Variants in SENP2 observed in about 807,000 individuals in gnomAD.
SENP2 encodes SUMO specific peptidase 2, also known as sentrin-specific protease 2.
In SENP2, 16 loss-of-function variants were observed where a neutral mutation model predicts 86.3. That is an observed-to-expected ratio of 0.19 (90% CI 0.13 to 0.28). The LOEUF is 0.28. Among genes scored for constraint, SENP2 ranks in the 10% least tolerant of loss-of-function variants. The pLI is 1.00. For synonymous variants in SENP2, 222 were observed against 238.7 expected (o/e 0.93, Z 0.64); for missense variants, 552 against 703.0 (o/e 0.79, Z 2.43).
At chr3:185,591,821 C>T (rs1722008289) in intron 2 of SENP2, among the ~76,000 whole-genome samples, 1 of 151,588 alleles carries the variant, frequency 6.6e-6, no homozygotes, top group Admixed American at 6.6e-5. Flanking sequence ...GCCTCCACCT[C>T]CCTGGGCCCA....
chr3:185,621,386 CTTT>C (rs1220771289), intron 13 of SENP2, among the ~76,000 whole-genome samples: 4 of 78,768 alleles, frequency 5.1e-5, no homozygotes, highest in Non-Finnish European at 6.9e-5. Flanking sequence ...TCTTTTTTTT[CTTT>C]TTTTTTTTTT....
At chr3:185,597,486 G>A (rs1722212214) in intron 2 of SENP2, among the ~76,000 whole-genome samples, 1 of 151,764 alleles carries the variant, frequency 6.6e-6, no homozygotes, top group Admixed American at 6.6e-5. Flanking sequence ...CTGAGTAGCT[G>A]GGACTATAGT....
chr3:185,626,450 GC>G, intron 16 of SENP2, 57 bp downstream of exon 16: 1 of 1,181,936 alleles, frequency 8.5e-7, no homozygotes, highest in Non-Finnish European at 1.3e-6. Flanking sequence ...AAGGCACTTG[GC>G]CAGTGCCTGG....
At position 185,586,387 on chromosome 3, in the gene SENP2, C is replaced by A; in HGVS notation, c.-27C>A. 2 of 1,612,704 alleles carry A rather than the reference C, an allele frequency of 1.2e-6. No homozygotes were observed. On this transcript the variant is annotated 5_prime_UTR_variant, in exon 1 of 17. Coordinates refer to ENST00000296257, the MANE Select transcript of SENP2 (RefSeq NM_021627.3). This position sits in a 1 kb window ranked among gnomAD's most constrained non-coding sequence, Gnocchi z 4.3. ...CTGGGGTTTGCGTCTCGGGGTGTGT[C>A]GGCCGCCGCTGCTGCTTGGGCCTGG...
intron 14 of SENP2, 69 bp from the exon 15 acceptor site, chr3:185,623,929 C>T: frequency 1.2e-6 from 1 of 841,028 alleles, no homozygotes; most frequent in South Asian, 1.8e-5. Context: ...TCAGAAAGCC[C>T]TATGTAACCA....
intron 5 of SENP2, among the ~76,000 whole-genome samples, chr3:185,604,670 C>G (rs996662434): frequency 5.3e-5 from 8 of 152,132 alleles, no homozygotes; most frequent in Non-Finnish European, 2.9e-5. Flanking sequence ...TTCTCATTCT[C>G]TCATATATAC....
intron 4 of SENP2, 139 bp downstream of exon 4, chr3:185,599,163 T>C: frequency 3.2e-6 from 2 of 619,270 alleles, no homozygotes; most frequent in Admixed American, 6.7e-5. Flanking sequence ...AAAAAGCAAA[T>C]AGCTTTTCTT....
chr3:185,595,533 A>C (rs1046661600), intron 2 of SENP2, among the ~76,000 whole-genome samples: 3 of 152,214 alleles, frequency 2.0e-5, no homozygotes, highest in African/African-American at 7.2e-5. Flanking sequence ...GTTTCTGGAA[A>C]GTAGTTTACA....
intron 6 of SENP2, among the ~76,000 whole-genome samples, chr3:185,608,235 G>T (rs13072061): frequency 0.38 from 57,954 of 152,042 alleles, 11,273 homozygotes; most frequent in South Asian, 0.56. Context: ...CCTGAAAGGG[G>T]TTTTAAGATG....
intron 8 of SENP2, 89 bp downstream of exon 8, chr3:185,611,834 G>A (rs1577732962): frequency 1.1e-6 from 1 of 931,304 alleles, no homozygotes; most frequent in East Asian, 2.7e-5. Flanking sequence ...ACATTCAAGT[G>A]TAGATGGTGT....
intron 11 of SENP2, among the ~76,000 whole-genome samples, chr3:185,617,032 G>A (rs577841964): frequency 1.3e-5 from 2 of 152,212 alleles, no homozygotes; most frequent in African/African-American, 2.4e-5. Flanking sequence ...TGGTTAATAC[G>A]TAGTAGTAGG....
At chr3:185,615,953 C>T (rs1711580781) in intron 11 of SENP2, among the ~76,000 whole-genome samples, 2 of 151,988 alleles carry the variant, frequency 1.3e-5, no homozygotes, top group African/African-American at 4.8e-5. Flanking sequence ...ACCTCTGCCT[C>T]CCAGGTTCAA....
intron 16 of SENP2, among the ~76,000 whole-genome samples, chr3:185,627,443 C>T (rs1233278814): frequency 3.3e-5 from 5 of 152,102 alleles, no homozygotes; most frequent in South Asian, 2.1e-4. Flanking sequence ...GATGGAGTCT[C>T]GCTTTGTTGC....
At chr3:185,600,620 C>T (rs1577723419) in intron 4 of SENP2, 145 bp from the exon 5 acceptor site, 3 of 609,024 alleles carry the variant, frequency 4.9e-6, no homozygotes, top group East Asian at 5.7e-5. Context: ...TTGTGCTAGA[C>T]TCCTGTGCTA....
Position 185,626,281 on chromosome 3 carries a change from T to C in SENP2, c.1612-17T>C. ...TGTTTTACCCTTTCCTCTCTTCTTT[T>C]TTCTTTGTAATTTTAGGAGATTCCT... is the stretch of plus-strand genomic sequence containing the variant. On this transcript the variant is annotated splice_polypyrimidine_tract_variant and intron_variant, in intron 15 of 16. Coordinates refer to ENST00000296257, the MANE Select transcript of SENP2 (RefSeq NM_021627.3). 1 of 1,559,268 alleles carries C rather than the reference T, an allele frequency of 6.4e-7. No individual in the cohort carries two copies. Among genetic ancestry groups the C allele is most frequent in the Non-Finnish European group, 8.8e-7 (1 of 1,135,746 alleles).
Position 185,629,807 on chromosome 3 carries a change from A to C in SENP2, c.1733A>C (p.Lys578Thr), listed in dbSNP as rs560978165. The change falls in exon 17 of 17, where the codon AAG (lysine) becomes ACG (threonine). Residue 578 changes from lysine (K) to threonine (T), a missense_variant. Around this residue, in one of 2 missense-constraint regions of SENP2, gnomAD observed 169 missense variants for 275.7 expected, o/e 0.61. Transcript: ENST00000296257. ...CACCAGATGCCTCTCTTCCGGAAGA[A>C]GATGGTGTGGGAAATCCTTCATCAG... Reference protein sequence around the residue: ...TQHQMPLFRKKMVWEILHQQL... With the variant: ...TQHQMPLFRKTMVWEILHQQL... 3.7e-6 allele frequency: 6 copies of C among 1,614,076 alleles called. No homozygotes were observed. Among genetic ancestry groups the C allele is most frequent in the Admixed American group, 1.7e-5 (1 of 59,996 alleles).
In SENP2 at chr3:185,598,521, A is replaced by G; in HGVS notation, c.267A>G (p.Thr89=). The change falls in exon 3 of 17, where the codon ACA becomes ACG. Residue 89 remains threonine, a synonymous_variant. Coordinates refer to ENST00000296257, the MANE Select transcript of SENP2 (RefSeq NM_021627.3). The part of the protein sequence containing the change: ...KPMVTSACNG[T]RNVAPSGEVF... Reference sequence around the variant, plus strand: ...TGGTAACTTCTGCTTGTAATGGAACACGGAATGTGGCCCCTTCAGGAGAGG... The same window carrying G: ...TGGTAACTTCTGCTTGTAATGGAACGCGGAATGTGGCCCCTTCAGGAGAGG... The G allele has an allele frequency of 6.2e-7, 1 of 1,614,010 alleles. No individual in the cohort carries two copies. The highest frequency in any genetic ancestry group is 8.5e-7 in the Non-Finnish European group (1 of 1,180,006).
intron 16 of SENP2, among the ~76,000 whole-genome samples, chr3:185,627,776 A>G (rs1428677584): frequency 1.4e-4 from 21 of 152,200 alleles, no homozygotes; most frequent in Admixed American, 1.4e-3. Context: ...TATGTTGGGA[A>G]TTCTTGAGAA....
At chr3:185,589,950 G>A (rs1055744359) in intron 1 of SENP2, among the ~76,000 whole-genome samples, 164 bp from the exon 2 acceptor site, 1 of 152,110 alleles carries the variant, frequency 6.6e-6, no homozygotes, top group Non-Finnish European at 1.5e-5. Flanking sequence ...TTACAGGCAC[G>A]AGCCACTGTG....
Sources: gnomAD v4.1 joint callset for allele counts (sites outside exome capture counted in the v4.1 genomes callset) on GRCh38, gnomAD v4.1.1 for gene constraint, gnomAD v4.1.1 regional missense constraint, Gnocchi (gnomAD v3.1) non-coding constraint, MANE v1.5 for transcripts, NCBI Gene and HGNC (gene_info 2026-07-23, HGNC 2026-07-21) for gene names.